The following GUSB variants were observed in gnomAD, a reference collection of about 807,000 sequenced individuals.
The protein encoded by GUSB is glucuronidase beta.
In GUSB, 51 loss-of-function variants were observed where a neutral mutation model predicts 74.6. The ratio of observed to expected loss-of-function variants is 0.68; its 90% CI spans 0.55 to 0.86. The LOEUF (loss-of-function observed/expected upper bound fraction) is 0.86. Among genes scored for constraint, GUSB ranks in the 40% least tolerant of loss-of-function variants. The probability of loss-of-function intolerance (pLI) is 0.00; values close to 1 mark genes in which losing one functional copy is unlikely to be tolerated. For synonymous variants in GUSB, 360 were observed against 348.3 expected, an observed-to-expected ratio of 1.03 and a Z score of -0.37; for missense variants, 736 against 853.7, an observed-to-expected ratio of 0.86 and a Z score of 1.72.
chr7:65,962,896 T>C (rs1181940453), intron 11 of GUSB, among the ~76,000 whole-genome samples: 1 of 151,898 alleles, frequency 6.6e-6, no homozygotes, highest in East Asian at 1.9e-4. Context: ...TCTCACTCTA[T>C]TGCTCAAGCT....
In GUSB at chr7:65,960,903, A is replaced by C; in HGVS notation, c.1950T>G (p.Phe650Leu). ...AKSQCLENSLFT is the reference protein window; with the variant it reads ...AKSQCLENSLLT ...CAGGTGGTATCAGTCTTGCTCAAGT[A>C]AACAGGCTGTTTTCCAAACATTGTG... The change falls in exon 12 of 12, where the codon TTT becomes TTG. Residue 650 changes from phenylalanine (F) to leucine (L), a missense_variant. Phe to Leu is a conservative substitution (Grantham distance 22). This residue lies in a region of GUSB where 368 missense variants were observed against 489.9 expected (regional missense o/e 0.75). Transcript: ENST00000304895. 1 of 1,613,760 alleles carries C rather than the reference A, an allele frequency of 6.2e-7. No individual in the cohort carries two copies. The highest frequency in any genetic ancestry group is 8.5e-7 in the Non-Finnish European group (1 of 1,179,724).
At position 65,961,053 on chromosome 7, in the gene GUSB, T is replaced by A. The variant is rs1276155841; in HGVS notation, c.1800A>T (p.Arg600Ser). Residue 600 changes from arginine (R) to serine (S), a missense_variant, in exon 12 of 12, where the codon AGA becomes AGT. Arg to Ser is a moderately radical substitution (Grantham distance 110). This residue lies in a region of GUSB where 368 missense variants were observed against 489.9 expected (regional missense o/e 0.75). Transcript: ENST00000304895. ...AGATCCCCTTTTTATTCCCCAGCAC[T>A]CTCGTCGGTGCTACAAAAAAAAAAA... ...ADFMTEQSPT[R>S]VLGNKKGIFT... 6.2e-7 allele frequency: 1 copy of A among 1,610,002 alleles called. No homozygotes were observed. Among genetic ancestry groups the A allele is most frequent in the Non-Finnish European group, 8.5e-7 (1 of 1,178,414 alleles).
At position 65,970,264 on chromosome 7, in the gene GUSB, G is replaced by A. The variant is rs946592201; in HGVS notation, c.1476+18C>T. On this transcript the variant is annotated intron_variant, in intron 9 of 11. Transcript: ENST00000304895. ...AGGCAAAGGCAGGGAGAAGTGGGGT[G>A]GGGACCCCCAGGCTCACCCCCTTGT... The A allele has an allele frequency of 2.6e-6, 4 of 1,552,148 alleles. No homozygotes were observed. Among genetic ancestry groups the A allele is most frequent in the Admixed American group, 1.7e-5 (1 of 59,914 alleles).
At chr7:65,975,543 C>G (rs911806250) in intron 5 of GUSB, 2 of 238,168 alleles carry the variant, frequency 8.4e-6, no homozygotes, top group South Asian at 5.3e-5. Flanking sequence ...CGCCACCATG[C>G]CCAGCAAATT....
intron 1 of GUSB, chr7:65,980,811 C>T (rs1413538370): frequency 6.0e-6 from 2 of 331,586 alleles, no homozygotes; most frequent in Non-Finnish European, 1.2e-5. Context: ...CCAGCCCCCT[C>T]CTCTTTCCCT....
At chr7:65,976,725 A>T (rs1554310173) in intron 4 of GUSB, among the ~76,000 whole-genome samples, 1 of 151,706 alleles carries the variant, frequency 6.6e-6, no homozygotes, top group Non-Finnish European at 1.5e-5. Flanking sequence ...TGAGACCAGG[A>T]GTTCAAGACC....
chr7:65,969,739 C>T (rs1314888176), intron 9 of GUSB, among the ~76,000 whole-genome samples: 1 of 152,168 alleles, frequency 6.6e-6, no homozygotes, highest in Non-Finnish European at 1.5e-5. Flanking sequence ...CCTGGACGTA[C>T]TAAATCAGGA....
Position 65,979,447 on chromosome 7 carries a change from T to C in GUSB, c.676A>G (p.Thr226Ala). 6.2e-7 allele frequency: 1 copy of C among 1,613,936 alleles called. No homozygotes were observed. Among genetic ancestry groups the C allele is most frequent in the Non-Finnish European group, 8.5e-7 (1 of 1,179,888 alleles). ...GTGACGGTGATGTCATCGATGTAGG[T>C]GGTGGGTGTCGTGTACAGAAGTACA... ...RSVLLYTTPT[T>A]YIDDITVTTS... The change falls in exon 4 of 12, where the codon ACC becomes GCC. Residue 226 changes from threonine (T) to alanine (A), a missense_variant. Thr to Ala is a moderately conservative substitution (Grantham distance 58). This residue lies in a region of GUSB where 368 missense variants were observed against 363.8 expected (regional missense o/e 1.01). Coordinates refer to ENST00000304895, the MANE Select transcript of GUSB (RefSeq NM_000181.4).
intron 6 of GUSB, 61 bp downstream of exon 6, chr7:65,974,858 A>T: frequency 6.3e-7 from 1 of 1,586,860 alleles, no homozygotes; most frequent in Non-Finnish European, 8.6e-7. Flanking sequence ...GGACACAGGG[A>T]AGGCGAAAGT....
rs1276111261 is a variant in GUSB at position 65,981,743 on chromosome 7, G to A, written c.210+231C>T. On this transcript the variant is annotated intron_variant, in intron 1 of 11. Transcript: ENST00000304895. ...ACTGCACAGACTCAGCCTTTACCTC[G>A]GGAAAGGGCTCGGCAAGAGCCTTTT... 6.1e-5 allele frequency: 31 copies of A among 508,444 alleles called. No individual in the cohort carries two copies. In the East Asian group the frequency reaches 6.2e-4, roughly 10 times the overall value. 31.5% of individuals were successfully genotyped at this position (508,444 alleles called of 1,614,324 possible).
intron 5 of GUSB, chr7:65,975,489 A>C: frequency 3.8e-6 from 1 of 263,716 alleles, no homozygotes; most frequent in Non-Finnish European, 7.5e-6. Context: ...AGTTCAAGCA[A>C]TTCTCCTGCC....
intron 11 of GUSB, among the ~76,000 whole-genome samples, chr7:65,962,892 T>A (rs1790592597): frequency 6.6e-6 from 1 of 151,430 alleles, no homozygotes; most frequent in Non-Finnish European, 1.5e-5. Context: ...AGAGTCTCAC[T>A]CTATTGCTCA....
In GUSB at chr7:65,982,168, C is replaced by T. The variant is rs775335168; in HGVS notation, c.16G>A (p.Ala6Thr). 5 of 1,516,754 alleles carry T rather than the reference C, an allele frequency of 3.3e-6. No homozygotes were observed. The highest frequency in any genetic ancestry group is 2.4e-5 in the South Asian group (2 of 82,558). 94.0% of individuals were successfully genotyped at this position (1,516,754 alleles called of 1,614,324 possible). A position where few individuals can be genotyped will look rare whatever the true frequency, so the allele number is the denominator to read the frequency against. Reference protein sequence around the residue: MARGSAVAWAALGPLL... With the variant: MARGSTVAWAALGPLL... ...GGCCCGAGCGCCGCCCAGGCAACCG[C>T]CGACCCCCGGGCCATGCTTCCCGGT... is the stretch of plus-strand genomic sequence containing the variant. Residue 6 changes from alanine (A) to threonine (T), a missense_variant, in exon 1 of 12, where the codon GCG becomes ACG. Transcript: ENST00000304895.
chr7:65,979,157 T>C (rs1791804528), intron 4 of GUSB, among the ~76,000 whole-genome samples: 1 of 152,026 alleles, frequency 6.6e-6, no homozygotes, highest in Non-Finnish European at 1.5e-5. Flanking sequence ...AGGGACAGGA[T>C]TGCCACCCCG....
chr7:65,962,045 C>T (rs1371902021), intron 11 of GUSB, among the ~76,000 whole-genome samples: 1 of 151,546 alleles, frequency 6.6e-6, no homozygotes, highest in Non-Finnish European at 1.5e-5. Context: ...TATTTGCAAA[C>T]TAAGGTTTAC....
chr7:65,981,926 C>G (rs1314861023), intron 1 of GUSB, 48 bp downstream of exon 1: 1 of 1,526,242 alleles, frequency 6.6e-7, no homozygotes, highest in Non-Finnish European at 8.9e-7. Flanking sequence ...TCCCCTACTC[C>G]CACCGCCGGG....
intron 11 of GUSB, among the ~76,000 whole-genome samples, chr7:65,961,989 G>A (rs1309515503): frequency 4.2e-5 from 6 of 142,572 alleles, no homozygotes; most frequent in Non-Finnish European, 9.2e-5. Flanking sequence ...GCGACAGAGT[G>A]AGACTCCATC....
chr7:65,964,508 A>C (rs1790705911), intron 10 of GUSB, 50 bp from the exon 11 acceptor site: 1 of 1,574,426 alleles, frequency 6.4e-7, no homozygotes, highest in Admixed American at 1.7e-5. Context: ...GCAGAATTGT[A>C]AATGTTAGAT....
At chr7:65,966,126 C>T (rs567032063) in intron 10 of GUSB, among the ~76,000 whole-genome samples, 4 of 151,598 alleles carry the variant, frequency 2.6e-5, no homozygotes, top group East Asian at 1.9e-4. Context: ...GCCGAGATCG[C>T]GCCACTGCAC....
Sources: gnomAD v4.1 joint callset for allele counts (sites outside exome capture counted in the v4.1 genomes callset) on GRCh38, gnomAD v4.1.1 for gene constraint, gnomAD v4.1.1 regional missense constraint, MANE v1.5 for transcripts, NCBI Gene and HGNC (gene_info 2026-07-23, HGNC 2026-07-21) for gene names.